PLCL1: variants seen among roughly 807,000 people sequenced by gnomAD.
The protein encoded by PLCL1 is inactive phospholipase C-like protein 1.
In PLCL1, 41 loss-of-function variants were observed where a neutral mutation model predicts 84.4. That is an observed-to-expected ratio of 0.49 (90% CI 0.38 to 0.63). The LOEUF (loss-of-function observed/expected upper bound fraction) is 0.63, where lower values mean the gene tolerates loss of function less well. Among genes scored for constraint, PLCL1 ranks in the 30% least tolerant of loss-of-function variants. The pLI, the probability that PLCL1 is intolerant of heterozygous loss-of-function variation, is 0.00. For missense variants in PLCL1, 1,206 were observed against 1,367.8 expected (o/e 0.88, Z 1.87); for synonymous variants, 490 against 488.3 (o/e 1.00, Z -0.05).
chr2:198,058,362 C>T (rs1000115918), intron 1 of PLCL1, among the ~76,000 whole-genome samples: 2 of 151,928 alleles, frequency 1.3e-5, no homozygotes, highest in African/African-American at 4.8e-5. Flanking sequence ...TATATCCCTT[C>T]TCAAGGTGTC....
At chr2:197,858,247 T>A (rs74351427) in intron 1 of PLCL1, among the ~76,000 whole-genome samples, 1 of 152,166 alleles carries the variant, frequency 6.6e-6, no homozygotes. Context: ...TCCAGCATGC[T>A]ATCCATGTGA....
At chr2:197,820,395 T>A (rs976200444) in intron 1 of PLCL1, among the ~76,000 whole-genome samples, 4 of 152,146 alleles carry the variant, frequency 2.6e-5, no homozygotes, top group African/African-American at 9.7e-5. Context: ...GGGGTATGTA[T>A]GCCAGCCTGT....
chr2:198,033,232 G>C (rs1329523614), intron 1 of PLCL1, among the ~76,000 whole-genome samples: 1 of 152,218 alleles, frequency 6.6e-6, no homozygotes, highest in Non-Finnish European at 1.5e-5. Flanking sequence ...AATACCAAGA[G>C]CAGCATTAGC....
At chr2:198,035,844 G>A (rs531178664) in intron 1 of PLCL1, among the ~76,000 whole-genome samples, 1 of 152,318 alleles carries the variant, frequency 6.6e-6, no homozygotes, top group Non-Finnish European at 1.5e-5. Flanking sequence ...AGACCAGCCT[G>A]GCCAACATGG....
At chr2:197,905,853 C>T (rs1247659685) in intron 1 of PLCL1, among the ~76,000 whole-genome samples, 2 of 152,188 alleles carry the variant, frequency 1.3e-5, no homozygotes, top group Non-Finnish European at 2.9e-5. Context: ...TGTTTGTTGG[C>T]TGCATAAATG....
At chr2:197,929,717 TGA>T (rs1245177427) in intron 1 of PLCL1, among the ~76,000 whole-genome samples, 2 of 152,204 alleles carry the variant, frequency 1.3e-5, no homozygotes, top group Non-Finnish European at 2.9e-5. Context: ...TGAATTCTAA[TGA>T]GAGAGTTAAA....
chr2:198,089,910 A>T (rs957738571), intron 3 of PLCL1, among the ~76,000 whole-genome samples: 2 of 152,196 alleles, frequency 1.3e-5, no homozygotes, highest in African/African-American at 4.8e-5. Flanking sequence ...TTAAATTGAC[A>T]TGTTTTTTCT....
chr2:198,006,296 A>T (rs1321046507), intron 1 of PLCL1, among the ~76,000 whole-genome samples: 1 of 152,152 alleles, frequency 6.6e-6, no homozygotes, highest in Non-Finnish European at 1.5e-5. Flanking sequence ...TTTAATGTGT[A>T]TGTGTGTGGG....
chr2:197,867,762 T>C (rs1158838172), intron 1 of PLCL1, among the ~76,000 whole-genome samples: 1 of 152,118 alleles, frequency 6.6e-6, no homozygotes, highest in Non-Finnish European at 1.5e-5. Context: ...CCTACTCTGC[T>C]CCAGGATTTC....
intron 1 of PLCL1, among the ~76,000 whole-genome samples, chr2:197,844,199 C>T (rs916256285): frequency 2.0e-5 from 3 of 152,156 alleles, no homozygotes; most frequent in Non-Finnish European, 2.9e-5. Context: ...AAACAGTGAA[C>T]CCATCTGTGT....
chr2:198,111,934 T>G (rs1693633781), intron 5 of PLCL1, among the ~76,000 whole-genome samples: 1 of 151,928 alleles, frequency 6.6e-6, no homozygotes, highest in Non-Finnish European at 1.5e-5. Context: ...CATGAATATT[T>G]CAATCACCTT....
chr2:198,144,724 T>C (rs1363010033), intron 5 of PLCL1, among the ~76,000 whole-genome samples: 1 of 152,230 alleles, frequency 6.6e-6, no homozygotes, highest in Non-Finnish European at 1.5e-5. Context: ...TGCTCTGCCC[T>C]GTCTTCCTGA....
intron 1 of PLCL1, among the ~76,000 whole-genome samples, chr2:197,968,770 C>T (rs765230838): frequency 2.0e-5 from 3 of 152,190 alleles, no homozygotes; most frequent in Non-Finnish European, 4.4e-5. Flanking sequence ...TCTTATTCTA[C>T]TGGACGTTTT....
intron 1 of PLCL1, among the ~76,000 whole-genome samples, chr2:197,923,213 C>G (rs1688750798): frequency 6.7e-6 from 1 of 148,410 alleles, no homozygotes; most frequent in Admixed American, 6.7e-5. Flanking sequence ...GGGGCTGACC[C>G]CCCACCTCCC....
At chr2:198,000,681 C>T (rs985648723) in intron 1 of PLCL1, among the ~76,000 whole-genome samples, 3 of 151,412 alleles carry the variant, frequency 2.0e-5, no homozygotes, top group Admixed American at 1.3e-4. Flanking sequence ...GGCAAAGTGA[C>T]TTATTCGAGG....
chr2:197,955,998 G>A (rs1689485352), intron 1 of PLCL1, among the ~76,000 whole-genome samples: 1 of 151,592 alleles, frequency 6.6e-6, no homozygotes. Context: ...AGGCCCCGGT[G>A]TGTGATGTTC....
chr2:198,016,213 C>T (rs1690993999), intron 1 of PLCL1, among the ~76,000 whole-genome samples: 1 of 151,978 alleles, frequency 6.6e-6, no homozygotes, highest in African/African-American at 2.4e-5. Context: ...TCTTTTACTT[C>T]TAGGGTCAAG....
At chr2:198,063,578 G>C (rs563683825) in intron 1 of PLCL1, among the ~76,000 whole-genome samples, 1 of 152,256 alleles carries the variant, frequency 6.6e-6, no homozygotes, top group Non-Finnish European at 1.5e-5. Flanking sequence ...ACTGAAAAGA[G>C]GAAAATAATG....
intron 1 of PLCL1, among the ~76,000 whole-genome samples, chr2:197,881,941 T>C (rs1687838152): frequency 6.6e-6 from 1 of 152,198 alleles, no homozygotes; most frequent in Admixed American, 6.5e-5. Flanking sequence ...TGTAAATATT[T>C]TGTATTTATA....
Sources: gnomAD v4.1 joint callset for allele counts (sites outside exome capture counted in the v4.1 genomes callset) on GRCh38, gnomAD v4.1.1 for gene constraint, MANE v1.5 for transcripts, NCBI Gene and HGNC (gene_info 2026-07-23, HGNC 2026-07-21) for gene names.